KIF9: variants seen among roughly 807,000 people sequenced by gnomAD.
KIF9 encodes the protein kinesin-like protein KIF9.
In KIF9, 68 loss-of-function variants were observed where a neutral mutation model predicts 94.8. That is an observed-to-expected ratio of 0.72 (90% CI 0.59 to 0.88). The LOEUF (loss-of-function observed/expected upper bound fraction) is 0.88. Among genes scored for constraint, KIF9 ranks in the 40% least tolerant of loss-of-function variants. The pLI, the probability that KIF9 is intolerant of heterozygous loss-of-function variation, is 0.00. For synonymous variants in KIF9, 343 were observed against 362.1 expected (o/e 0.95, Z 0.60); for missense variants, 882 against 982.5 (o/e 0.90, Z 1.37).
At chr3:47,246,827 C>A (rs1399045464) in intron 12 of KIF9, among the ~76,000 whole-genome samples, 1 of 152,190 alleles carries the variant, frequency 6.6e-6, no homozygotes, top group African/African-American at 2.4e-5. Flanking sequence ...CCCACAGTAA[C>A]AGCCAGGGGG....
At chr3:47,249,135 T>C (rs2107264257) in intron 10 of KIF9, among the ~76,000 whole-genome samples, 1 of 149,326 alleles carries the variant, frequency 6.7e-6, no homozygotes, top group East Asian at 2.0e-4. Flanking sequence ...AATAATCATG[T>C]ATGTCACCTC....
At chr3:47,248,957 C>T (rs1360920276) in intron 10 of KIF9, among the ~76,000 whole-genome samples, 1 of 152,034 alleles carries the variant, frequency 6.6e-6, no homozygotes, top group African/African-American at 2.4e-5. Context: ...GCTGGTATCA[C>T]ACTCCTGGGC....
intron 20 of KIF9, among the ~76,000 whole-genome samples, chr3:47,234,473 A>G (rs1000380200): frequency 1.3e-5 from 2 of 151,912 alleles, no homozygotes; most frequent in African/African-American, 4.8e-5. Context: ...AGCTCAGGCA[A>G]TCCACCTGCC....
intron 16 of KIF9, among the ~76,000 whole-genome samples, chr3:47,242,396 T>C (rs766906083): frequency 3.3e-5 from 5 of 152,152 alleles, no homozygotes; most frequent in Non-Finnish European, 5.9e-5. Flanking sequence ...AGAGGCAGAA[T>C]GAAACAAGAA....
chr3:47,254,619 A>G (rs997516046), intron 10 of KIF9, among the ~76,000 whole-genome samples: 2 of 152,148 alleles, frequency 1.3e-5, no homozygotes, highest in African/African-American at 2.4e-5. Context: ...ACACACACAC[A>G]CAAAAAAGTG....
rs551312806 is a variant in KIF9, at chr3:47,260,293, A to T, written c.982-2733T>A. On this transcript the variant is annotated intron_variant, in intron 9 of 20. Transcript: ENST00000684063. Reference sequence around the variant, plus strand: ...CACAATTGTCTTGTGACCCTGACACATCCCCCTCTTCGAGAAACACCCACA... The same window carrying T: ...CACAATTGTCTTGTGACCCTGACACTTCCCCCTCTTCGAGAAACACCCACA... Among the ~76,000 whole-genome samples the T allele has an allele frequency of 1.0e-4, 15 of 149,458 alleles. No homozygotes were observed. The East Asian group carries it at 3.0e-3, about 30-fold the overall frequency.
rs570826729 is a variant in KIF9 at position 47,276,852 on chromosome 3, A to C, written c.93+430T>G. 1.4e-4 allele frequency among the ~76,000 whole-genome samples: 22 copies of C among 152,304 alleles called. No homozygotes were observed. In the East Asian group the frequency reaches 4.2e-3, roughly 29 times the overall value. On this transcript the variant is annotated intron_variant, in intron 2 of 20. Transcript: ENST00000684063. ...CTTCAGAAGCATTCTCAGGGTGAGGATATAGGGACGGATATATCTTTCCAC... is the reference window on the plus strand; with the variant it reads ...CTTCAGAAGCATTCTCAGGGTGAGGCTATAGGGACGGATATATCTTTCCAC...
intron 4 of KIF9, 119 bp from the exon 5 acceptor site, chr3:47,271,580 AG>A: frequency 1.4e-6 from 1 of 725,932 alleles, no homozygotes; most frequent in Non-Finnish European, 2.4e-6. Context: ...ATTGTCCTAA[AG>A]GAATTGGGTG....
At chr3:47,282,319 T>C (rs1339844125) in intron 1 of KIF9, 176 bp downstream of exon 1, 15 of 985,634 alleles carry the variant, frequency 1.5e-5, no homozygotes, top group Middle Eastern at 5.2e-4. Flanking sequence ...TAAGCCGCGG[T>C]CAGGTTGAAA....
In KIF9 at chr3:47,235,454, C is replaced by A; in HGVS notation, c.2322+59G>T. On this transcript the variant is annotated intron_variant, in intron 20 of 20. Coordinates refer to ENST00000684063, the MANE Select transcript of KIF9 (RefSeq NM_182902.4). ...ACCTCTCTAAAGTAGGGAATATGAT[C>A]CTGGGTTTCCTAGTCACTGAGGCCC... The A allele has an allele frequency of 3.4e-6, 4 of 1,166,350 alleles. No individual in the cohort carries two copies. In the South Asian group the frequency reaches 3.7e-5, roughly 11 times the overall value. 72.3% of individuals were successfully genotyped at this position (1,166,350 alleles called of 1,614,324 possible).
At chr3:47,259,036 C>T (rs900237105) in intron 9 of KIF9, among the ~76,000 whole-genome samples, 2 of 152,184 alleles carry the variant, frequency 1.3e-5, no homozygotes, top group Non-Finnish European at 1.5e-5. Flanking sequence ...GTGAAGACAC[C>T]CCTGAGCCAT....
In KIF9 at chr3:47,282,793, A is replaced by G; in HGVS notation, c.-304T>C. ...AGGGAACGAAGGCCGCACATGAACC[A>G]GGAAGCGGAGTGGCGGGGCTTCCGG... On this transcript the variant is annotated 5_prime_UTR_variant, in exon 1 of 21. Transcript: ENST00000684063. 1 of 1,433,008 alleles carries G rather than the reference A, an allele frequency of 7.0e-7. No homozygotes were observed. The highest frequency in any genetic ancestry group is 9.1e-7 in the Non-Finnish European group (1 of 1,097,386). 88.8% of individuals were successfully genotyped at this position (1,433,008 alleles called of 1,614,324 possible).
chr3:47,248,720 G>C (rs1347680610), intron 10 of KIF9, among the ~76,000 whole-genome samples: 1 of 152,068 alleles, frequency 6.6e-6, no homozygotes, highest in African/African-American at 2.4e-5. Context: ...TAGGATTACA[G>C]GCATGAGCCA....
chr3:47,250,480 C>A, intron 10 of KIF9: 2 of 379,730 alleles, frequency 5.3e-6, no homozygotes, highest in South Asian at 2.0e-5. Flanking sequence ...AGTAAGCACT[C>A]CATAGATTTT....
chr3:47,280,668 C>A (rs1405259568), intron 1 of KIF9, among the ~76,000 whole-genome samples: 1 of 152,208 alleles, frequency 6.6e-6, no homozygotes, highest in Non-Finnish European at 1.5e-5. Flanking sequence ...TGGACAACAG[C>A]GTGAGACTGT....
chr3:47,234,555 T>TAC, intron 20 of KIF9, among the ~76,000 whole-genome samples: 6 of 131,514 alleles, frequency 4.6e-5, no homozygotes, highest in African/African-American at 1.8e-4. Flanking sequence ...GCCCAGCATT[T>TAC]TTTTTTTCTT....
chr3:47,246,507 C>A, intron 12 of KIF9: 1 of 259,312 alleles, frequency 3.9e-6, no homozygotes, highest in Non-Finnish European at 7.2e-6. Context: ...GTGGAGACCT[C>A]TATAAAATGA....
intron 4 of KIF9, among the ~76,000 whole-genome samples, chr3:47,272,782 C>G (rs1701728393): frequency 6.6e-6 from 1 of 152,114 alleles, no homozygotes; most frequent in African/African-American, 2.4e-5. Context: ...GGCTAGATTA[C>G]TAAAGTCTAA....
intron 10 of KIF9, chr3:47,250,750 G>A (rs890395458): frequency 5.3e-5 from 11 of 208,980 alleles, no homozygotes; most frequent in Admixed American, 2.1e-4. Context: ...GTGAACAATA[G>A]GACTTCCTTT....
Sources: gnomAD v4.1 joint callset for allele counts (sites outside exome capture counted in the v4.1 genomes callset) on GRCh38, gnomAD v4.1.1 for gene constraint, MANE v1.5 for transcripts, NCBI Gene and HGNC (gene_info 2026-07-23, HGNC 2026-07-21) for gene names.